The following UCK2 variants were observed in gnomAD, a reference collection of about 807,000 sequenced individuals.
UCK2 encodes the protein cytidine monophosphokinase 2.
Under a neutral mutation model 30.8 loss-of-function variants are expected in UCK2, and 6 were observed. The observed-to-expected ratio is 0.19, with a 90% CI of 0.11 to 0.38. The LOEUF (loss-of-function observed/expected upper bound fraction) is 0.38. Among genes scored for constraint, UCK2 ranks in the 10% least tolerant of loss-of-function variants. The pLI, the probability that UCK2 is intolerant of heterozygous loss-of-function variation, is 1.00. For synonymous variants in UCK2, 125 were observed against 133.6 expected, an observed-to-expected ratio of 0.94 and a Z score of 0.45; for missense variants, 210 against 339.8, an observed-to-expected ratio of 0.62 and a Z score of 3.00.
chr1:165,879,906 C>CT (rs1316905913), intron 1 of UCK2, among the ~76,000 whole-genome samples: 2 of 152,178 alleles, frequency 1.3e-5, no homozygotes, highest in Non-Finnish European at 2.9e-5. Context: ...ATTGCTTTCT[C>CT]TTTCCTTCCC....
intron 1 of UCK2, among the ~76,000 whole-genome samples, chr1:165,881,182 T>TAAAA (rs56886913): frequency 1.3e-4 from 12 of 92,844 alleles, no homozygotes; most frequent in African/African-American, 3.8e-4. Flanking sequence ...CAATAAAACT[T>TAAAA]AAAAAAAAAA....
chr1:165,830,444 C>T (rs1174127352), intron 1 of UCK2, among the ~76,000 whole-genome samples: 1 of 152,028 alleles, frequency 6.6e-6, no homozygotes, highest in Non-Finnish European at 1.5e-5. Flanking sequence ...TCTGCCTCAG[C>T]CTCCCAAGTA....
In UCK2 at chr1:165,863,457, T is replaced by C. The variant is rs557616169; in HGVS notation, c.100-26747T>C. Among the ~76,000 whole-genome samples, 8 of 152,352 alleles carry C rather than the reference T, an allele frequency of 5.3e-5. No individual in the cohort carries two copies. The South Asian group carries it at 1.7e-3, about 32-fold the overall frequency. On this transcript the variant is annotated intron_variant, in intron 1 of 6. Transcript: ENST00000367879. The stretch of plus-strand genomic sequence containing the variant: ...CAGATCTTCAGTATTTCATCAGCAG[T>C]ATGGGTTAAGTTGGCATTAGAAGCT...
chr1:165,828,773 C>T (rs557054178), intron 1 of UCK2, among the ~76,000 whole-genome samples: 1 of 152,182 alleles, frequency 6.6e-6, no homozygotes, highest in East Asian at 1.9e-4. Context: ...TAGCTTTACC[C>T]GGGGTTTTTT....
Position 165,827,852 on chromosome 1 carries a change from C to G in UCK2, c.19C>G (p.Gln7Glu). 1 of 1,469,666 alleles carries G rather than the reference C, an allele frequency of 6.8e-7. No homozygotes were observed. The highest frequency in any genetic ancestry group is 1.4e-5 in the African/African-American group (1 of 69,086). The allele number at this position is 1,469,666 out of a possible 1,614,324, so 91.0% of individuals were successfully genotyped here. The change falls in exon 1 of 7, where the codon CAG (glutamine) becomes GAG (glutamate). Residue 7 changes from glutamine to glutamate, a missense_variant. Transcript: ENST00000367879. ...GCGAACCATGGCCGGGGACAGCGAGCAGACCCTGCAGAACCACCAGCAGCC... is the reference window on the plus strand; with the variant it reads ...GCGAACCATGGCCGGGGACAGCGAGGAGACCCTGCAGAACCACCAGCAGCC... MAGDSE[Q>E]TLQNHQQPNG...
chr1:165,881,751 A>T (rs1480971251), intron 1 of UCK2, among the ~76,000 whole-genome samples: 1 of 152,230 alleles, frequency 6.6e-6, no homozygotes, highest in African/African-American at 2.4e-5. Context: ...TGAACCACTT[A>T]ATTTCCAAGT....
intron 4 of UCK2, chr1:165,902,592 A>ATTATTTTTTTT (rs1647514305): frequency 4.4e-5 from 2 of 45,758 alleles, no homozygotes; most frequent in African/African-American, 8.2e-5. Context: ...TCACTGAGTG[A>ATTATTTTTTTT]TTTTTTTTTT....
At position 165,903,243 on chromosome 1, in the gene UCK2, G is replaced by T. The variant is rs372509507; in HGVS notation, c.561G>T (p.Thr187=). 16 of 1,613,940 alleles carry T rather than the reference G, an allele frequency of 9.9e-6. No homozygotes were observed. Among genetic ancestry groups the T allele is most frequent in the African/African-American group, 1.3e-5 (1 of 74,898 alleles). ...DLEQILSQYI[T]FVKPAFEEFC... is the part of the protein sequence containing the mutation. ...AGCAGATTTTATCTCAGTACATTACGTTCGTCAAGCCTGCCTTTGAGGAAT... is the reference window on the plus strand; with the variant it reads ...AGCAGATTTTATCTCAGTACATTACTTTCGTCAAGCCTGCCTTTGAGGAAT... Residue 187 remains threonine, a synonymous_variant, in exon 5 of 7, where the codon ACG becomes ACT. Coordinates refer to ENST00000367879, the MANE Select transcript of UCK2 (RefSeq NM_012474.5).
At chr1:165,848,562 G>C (rs1030983301) in intron 1 of UCK2, among the ~76,000 whole-genome samples, 1 of 151,824 alleles carries the variant, frequency 6.6e-6, no homozygotes. Flanking sequence ...AACCCACCGA[G>C]GCGGAGGTTG....
At chr1:165,869,436 A>T (rs905548711) in intron 1 of UCK2, among the ~76,000 whole-genome samples, 1 of 152,040 alleles carries the variant, frequency 6.6e-6, no homozygotes, top group African/African-American at 2.4e-5. Flanking sequence ...TTTTGGGTAC[A>T]TCCCCACAAA....
At chr1:165,893,910 A>G (rs1655829007) in intron 3 of UCK2, among the ~76,000 whole-genome samples, 1 of 152,234 alleles carries the variant, frequency 6.6e-6, no homozygotes, top group South Asian at 2.1e-4. Flanking sequence ...TTTATCAGTT[A>G]GGCATCCTAA....
At chr1:165,851,333 A>T (rs1054723055) in intron 1 of UCK2, among the ~76,000 whole-genome samples, 1 of 151,906 alleles carries the variant, frequency 6.6e-6, no homozygotes, top group Non-Finnish European at 1.5e-5. Context: ...GCCTTTGTCT[A>T]CTTTCTTTTG....
At chr1:165,891,183 A>G (rs760005451) in intron 2 of UCK2, 43 bp from the exon 3 acceptor site, 5 of 1,551,522 alleles carry the variant, frequency 3.2e-6, no homozygotes, top group Admixed American at 1.7e-5. Flanking sequence ...AGGAGATCCT[A>G]TTTTAAAATT....
intron 2 of UCK2, chr1:165,891,018 A>G (rs1411898453): frequency 3.9e-6 from 2 of 512,750 alleles, no homozygotes; most frequent in East Asian, 3.5e-5. Context: ...AAAGAAATCT[A>G]TTTGTCAGAA....
intron 3 of UCK2, chr1:165,894,302 C>T (rs1047723353): frequency 3.9e-5 from 6 of 152,184 alleles, no homozygotes; most frequent in Non-Finnish European, 8.8e-5. Flanking sequence ...TATTTTTGGA[C>T]AAAGCCTTCC....
rs1647792141 is a variant in UCK2, at chr1:165,909,802, C to G, written c.*1979C>G. On this transcript the variant is annotated 3_prime_UTR_variant, in exon 7 of 7. Transcript: ENST00000367879. ...GGTTAGTATCCTGAGGACACAGGGC[C>G]CCTGGCCTTGATGGCACTGGGCTGT... The G allele has an allele frequency of 6.6e-6, 1 of 152,360 alleles. No individual in the cohort carries two copies. The highest frequency in any genetic ancestry group is 1.5e-5 in the Non-Finnish European group (1 of 68,142). The allele number at this position is 152,360 out of a possible 1,614,324, so 9.4% of individuals were successfully genotyped here. A position where few individuals can be genotyped will look rare whatever the true frequency, so the allele number is the denominator to read the frequency against.
chr1:165,879,648 G>A (rs185592759), intron 1 of UCK2, among the ~76,000 whole-genome samples: 3 of 151,474 alleles, frequency 2.0e-5, no homozygotes, highest in East Asian at 1.9e-4. Context: ...ATACAGTAAC[G>A]TGGTCTATGT....
rs972958473 is a variant in UCK2 at position 165,910,678 on chromosome 1, C to T, written c.*2855C>T. 1 of 152,292 alleles carries T rather than the reference C, an allele frequency of 6.6e-6. No homozygotes were observed. Among genetic ancestry groups the T allele is most frequent in the African/African-American group, 2.4e-5 (1 of 41,426 alleles). 9.4% of individuals were successfully genotyped at this position (152,292 alleles called of 1,614,324 possible). A position where few individuals can be genotyped will look rare whatever the true frequency, so the allele number is the denominator to read the frequency against. On this transcript the variant is annotated 3_prime_UTR_variant, in exon 7 of 7. Transcript: ENST00000367879. ...CAAGTATCCTTTGATTTGGAGTGGA[C>T]AGAGCAGGTCCTTGCAAAGGCAGTG...
At chr1:165,891,459 A>G (rs927298709) in intron 3 of UCK2, 137 bp downstream of exon 3, 6 of 739,988 alleles carry the variant, frequency 8.1e-6, no homozygotes, top group Non-Finnish European at 1.4e-5. Flanking sequence ...CCAGCTGGTC[A>G]GTGGAGTGGG....
Sources: allele counts gnomAD v4.1 joint callset (sites outside exome capture counted in the v4.1 genomes callset), GRCh38; gene constraint gnomAD v4.1.1; transcripts MANE v1.5; gene names NCBI Gene and HGNC (gene_info 2026-07-23, HGNC 2026-07-21).